Variants in CD302 observed in about 807,000 individuals in gnomAD.
CD302 encodes CD302 antigen.
Under a neutral mutation model 26.5 loss-of-function variants are expected in CD302, and 23 were observed. That is an observed-to-expected ratio of 0.87 (90% CI 0.62 to 1.23). The LOEUF is 1.23. Ranked by LOEUF, CD302 falls within the 50% of genes most tolerant of loss-of-function variation. The probability of loss-of-function intolerance (pLI) is 0.00; values close to 1 mark genes in which losing one functional copy is unlikely to be tolerated. For missense variants in CD302, 290 were observed against 275.5 expected, an observed-to-expected ratio of 1.05 and a Z score of -0.37; for synonymous variants, 90 against 99.4, an observed-to-expected ratio of 0.91 and a Z score of 0.56.
At chr2:159,772,319 A>G (rs1708175972) in intron 5 of CD302, among the ~76,000 whole-genome samples, 1 of 152,200 alleles carries the variant, frequency 6.6e-6, no homozygotes, top group East Asian at 1.9e-4. Context: ...AGTATATACC[A>G]TGCTCCAGTT....
intron 1 of CD302, among the ~76,000 whole-genome samples, chr2:159,792,390 T>G (rs1361107024): frequency 6.6e-6 from 1 of 151,286 alleles, no homozygotes; most frequent in Non-Finnish European, 1.5e-5. Flanking sequence ...ATTGTATTAG[T>G]CAGGGTTCTC....
At position 159,769,942 on chromosome 2, in the gene CD302, C is replaced by G. The variant is rs560981435; in HGVS notation, c.*1909G>C. 6.6e-6 allele frequency: 1 copy of G among 152,092 alleles called. No individual in the cohort carries two copies. Among genetic ancestry groups the G allele is most frequent in the Non-Finnish European group, 1.5e-5 (1 of 68,026 alleles). 9.4% of individuals were successfully genotyped at this position (152,092 alleles called of 1,614,324 possible). On this transcript the variant is annotated 3_prime_UTR_variant, in exon 6 of 6. Coordinates refer to ENST00000259053, the MANE Select transcript of CD302 (RefSeq NM_014880.5). ...ACTTGACAATGTGGCTAATGTAATT[C>G]GAAAACTGGATTTTAAACTAAATTT...
intron 1 of CD302, among the ~76,000 whole-genome samples, chr2:159,789,827 A>G (rs987946301): frequency 2.6e-5 from 4 of 152,170 alleles, no homozygotes; most frequent in African/African-American, 9.7e-5. Context: ...AGATTGCCAA[A>G]AACTCTGCTC....
chr2:159,771,882 TCTC>T lies in CD302; in HGVS notation c.665_667del (p.Gly222del). 6.2e-7 allele frequency: 1 copy of T among 1,613,952 alleles called. No individual in the cohort carries two copies. Among genetic ancestry groups the T allele is most frequent in the Non-Finnish European group, 8.5e-7 (1 of 1,179,896 alleles). On this transcript the variant is annotated inframe_deletion, in exon 6 of 6. Coordinates refer to ENST00000259053, the MANE Select transcript of CD302 (RefSeq NM_014880.5). ...AAATTGAACAGGATATTCATTTTCT[TCTC>T]CAACTACCAAAACACAGTCTTCATT...
intron 5 of CD302, among the ~76,000 whole-genome samples, chr2:159,775,694 C>T (rs184375356): frequency 1.7e-4 from 26 of 152,292 alleles, no homozygotes; most frequent in African/African-American, 5.5e-4. Context: ...AGTACATTCA[C>T]TTCGTTGTGC....
rs781190659 is a variant in CD302, at chr2:159,780,916, A to T, written c.261T>A (p.Asp87Glu). The T allele has an allele frequency of 6.2e-7, 1 of 1,613,694 alleles. No homozygotes were observed. The highest frequency in any genetic ancestry group is 8.5e-7 in the Non-Finnish European group (1 of 1,179,820). The stretch of plus-strand genomic sequence containing the variant: ...CATAAAACATGCCTAGTAGGATATC[A>T]TCTGGGCCTTTCCATTGCTTTTTCA... ...DTLKKQWKGP[D>E]DILLGMFYDT... Residue 87 changes from aspartate (D) to glutamate (E), a missense_variant, in exon 3 of 6, where the codon GAT becomes GAA. Asp to Glu is a conservative substitution (Grantham distance 45, BLOSUM62 2). Transcript: ENST00000259053.
At chr2:159,772,141 T>C in intron 5 of CD302, 88 bp from the exon 6 acceptor site, 2 of 1,414,060 alleles carry the variant, frequency 1.4e-6, no homozygotes, top group East Asian at 2.5e-5. Context: ...TAGTTTTGTG[T>C]AAACATTTCT....
chr2:159,789,022 A>AT (rs56015039), intron 1 of CD302, among the ~76,000 whole-genome samples: 115 of 147,898 alleles, frequency 7.8e-4, no homozygotes, highest in African/African-American at 7.7e-4. Context: ...GGTAACTCCA[A>AT]TTTTTTTTTT....
At chr2:159,793,550 AC>A (rs1574504104) in intron 1 of CD302, among the ~76,000 whole-genome samples, 1 of 152,140 alleles carries the variant, frequency 6.6e-6, no homozygotes, top group Admixed American at 6.5e-5. Flanking sequence ...CAATAATAAG[AC>A]CTTTGCTCCT....
In CD302 at chr2:159,780,100, A is replaced by G. The variant is rs1459458034; in HGVS notation, c.374T>C (p.Val125Ala). The part of the protein sequence containing the change: ...WTDQDDDEDL[V>A]DTCAFLHIKT... ...GATGTGCAGAAAAGCACAGGTGTCA[A>G]CTAAATCCTCATCATCATCTTGGTC... The change falls in exon 4 of 6, where the codon GTT becomes GCT. Residue 125 changes from valine to alanine, a missense_variant. By Grantham distance (64) the Val-to-Ala change is moderately conservative. Transcript: ENST00000259053. 3 of 1,614,086 alleles carry G rather than the reference A, an allele frequency of 1.9e-6. No homozygotes were observed. The highest frequency in any genetic ancestry group is 2.5e-6 in the Non-Finnish European group (3 of 1,180,048).
chr2:159,790,377 GA>G (rs750802635), intron 1 of CD302, among the ~76,000 whole-genome samples: 13 of 149,152 alleles, frequency 8.7e-5, no homozygotes, highest in East Asian at 7.8e-4. Flanking sequence ...AAAGGAAAAA[GA>G]AAAAAAAAAT....
chr2:159,791,961 C>A (rs1708818552), intron 1 of CD302, among the ~76,000 whole-genome samples: 1 of 152,140 alleles, frequency 6.6e-6, no homozygotes, highest in Non-Finnish European at 1.5e-5. Flanking sequence ...GTATTGTGGT[C>A]TATTGCTATG....
At chr2:159,797,258 C>G (rs1448219985) in intron 1 of CD302, among the ~76,000 whole-genome samples, 1 of 151,454 alleles carries the variant, frequency 6.6e-6, no homozygotes, top group East Asian at 1.9e-4. Flanking sequence ...ATTTAAATCT[C>G]TTGCACTTTA....
intron 5 of CD302, among the ~76,000 whole-genome samples, chr2:159,777,522 C>CA (rs1708371247): frequency 6.6e-6 from 1 of 152,086 alleles, no homozygotes; most frequent in South Asian, 2.1e-4. Flanking sequence ...AGAATATACT[C>CA]AAAGAAAATG....
chr2:159,786,913 C>T (rs966311605), intron 1 of CD302, among the ~76,000 whole-genome samples: 3 of 152,202 alleles, frequency 2.0e-5, no homozygotes, highest in African/African-American at 7.2e-5. Context: ...TCTAACCTAA[C>T]TTCTAACACC....
intron 5 of CD302, among the ~76,000 whole-genome samples, chr2:159,777,148 G>A (rs1446485757): frequency 6.6e-6 from 1 of 152,216 alleles, no homozygotes; most frequent in Non-Finnish European, 1.5e-5. Context: ...CTACTTGGGA[G>A]GCTGAGGTGG....
chr2:159,784,834 A>T (rs1708622914), intron 1 of CD302, among the ~76,000 whole-genome samples: 1 of 152,170 alleles, frequency 6.6e-6, no homozygotes, highest in Admixed American at 6.5e-5. Flanking sequence ...CTTATATAGC[A>T]CAGAGCACAT....
intron 1 of CD302, among the ~76,000 whole-genome samples, chr2:159,792,198 A>C (rs2125814328): frequency 6.6e-6 from 1 of 152,260 alleles, no homozygotes; most frequent in East Asian, 1.9e-4. Flanking sequence ...GGCTGTGGGC[A>C]GGACACCACA....
At chr2:159,781,052 T>C in intron 2 of CD302, 54 bp from the exon 3 acceptor site, 4 of 1,388,876 alleles carry the variant, frequency 2.9e-6, no homozygotes, top group Non-Finnish European at 4.0e-6. Flanking sequence ...TCAGTGAAAA[T>C]CACTAGGTAC....
Sources: gnomAD v4.1 joint callset for allele counts (sites outside exome capture counted in the v4.1 genomes callset) on GRCh38, gnomAD v4.1.1 for gene constraint, MANE v1.5 for transcripts, NCBI Gene and HGNC (gene_info 2026-07-23, HGNC 2026-07-21) for gene names.